Variants in NXN observed in about 807,000 individuals in gnomAD.
The protein encoded by NXN is nucleoredoxin, also known as nucleoredoxin 1.
Under a neutral mutation model 48.6 loss-of-function variants are expected in NXN, and 16 were observed. The observed-to-expected ratio is 0.33, with a 90% CI of 0.22 to 0.50. The LOEUF is 0.50. Ranked by LOEUF, NXN falls within the 20% of genes least tolerant of loss-of-function variation. The probability of loss-of-function intolerance (pLI) is 0.98; values close to 1 mark genes in which losing one functional copy is unlikely to be tolerated. For missense variants in NXN, 492 were observed against 605.5 expected (o/e 0.81, Z 1.97); for synonymous variants, 281 against 269.6 (o/e 1.04, Z -0.41).
At chr17:803,167 G>A (rs1051031621) in intron 7 of NXN, among the ~76,000 whole-genome samples, 5 of 152,302 alleles carry the variant, frequency 3.3e-5, no homozygotes, top group Admixed American at 6.5e-5. Flanking sequence ...GTCCAGCCCC[G>A]CTGGAGACCT....
chr17:847,589 C>T (rs564938011), intron 1 of NXN, among the ~76,000 whole-genome samples: 2 of 152,276 alleles, frequency 1.3e-5, no homozygotes, highest in African/African-American at 4.8e-5. Context: ...GGACCAGCCA[C>T]GTCCACAGCA....
At chr17:835,097 A>T (rs1387814384) in intron 1 of NXN, among the ~76,000 whole-genome samples, 1 of 151,326 alleles carries the variant, frequency 6.6e-6, no homozygotes, top group Non-Finnish European at 1.5e-5. Flanking sequence ...TCACAAGGTC[A>T]GGAGATCGAG....
intron 1 of NXN, 85 bp downstream of exon 1, chr17:979,234 A>AGGGCAGGGGTAACGGGCGTTGGGGGC: frequency 4.4e-6 from 2 of 457,574 alleles, no homozygotes; most frequent in Non-Finnish European, 5.2e-6. Context: ...GGGTTGGCGG[A>AGGGCAGGGGTAACGGGCGTTGGGGGC]GGGCAGGGGT....
intron 1 of NXN, among the ~76,000 whole-genome samples, chr17:940,004 G>A (rs570797773): frequency 6.6e-6 from 1 of 151,834 alleles, no homozygotes; most frequent in Non-Finnish European, 1.5e-5. Context: ...TGTGATCATG[G>A]CTCACTGTAG....
At chr17:935,066 A>G (rs1003659070) in intron 1 of NXN, among the ~76,000 whole-genome samples, 2 of 148,516 alleles carry the variant, frequency 1.3e-5, no homozygotes, top group African/African-American at 5.0e-5. Flanking sequence ...ATCTCGGCTC[A>G]CTGCAGCCTC....
At chr17:851,045 A>AACAGCTTCTCCGTCGGGAGC (rs2067918223) in intron 1 of NXN, among the ~76,000 whole-genome samples, 1 of 152,244 alleles carries the variant, frequency 6.6e-6, no homozygotes, top group Non-Finnish European at 1.5e-5. Flanking sequence ...ACCACACACA[A>AACAGCTTCTCCGTCGGGAGC]ACAGCTTCTC....
At chr17:970,844 G>A (rs1393840465) in intron 1 of NXN, among the ~76,000 whole-genome samples, 2 of 152,128 alleles carry the variant, frequency 1.3e-5, no homozygotes, top group South Asian at 2.1e-4. Context: ...GCTGGAAGAC[G>A]TAATATGTAC....
intron 5 of NXN, among the ~76,000 whole-genome samples, chr17:812,777 TGTGCATGTGTGTAGGTGTGTGTGCGTGA>T (rs1912184173): frequency 7.6e-6 from 1 of 130,744 alleles, no homozygotes; most frequent in Non-Finnish European, 1.8e-5. Context: ...AGTGTAGGTG[TGTGCATGTGTGTAGGTGTGTGTGCGTGA>T]GTGTAGGTGT....
At chr17:861,919 T>C (rs917968631) in intron 1 of NXN, among the ~76,000 whole-genome samples, 1 of 152,096 alleles carries the variant, frequency 6.6e-6, no homozygotes, top group African/African-American at 2.4e-5. Flanking sequence ...AACCTCTGTC[T>C]CCTGGGCTCA....
In NXN at chr17:849,215, G is replaced by T. The variant is rs2067897386; in HGVS notation, c.361-23137C>A. On this transcript the variant is annotated intron_variant, in intron 1 of 7. Transcript: ENST00000336868. The surrounding 1 kb of genome is among the most constrained non-coding windows in gnomAD (Gnocchi z 4.2). ...CTCTCTCCTGGAAGTTCAGAAAGTG[G>T]ATACAAAGACGGATTCACTAAGACC... Among the ~76,000 whole-genome samples, 1 of 152,062 alleles carries T rather than the reference G, an allele frequency of 6.6e-6. No individual in the cohort carries two copies. The highest frequency in any genetic ancestry group is 1.5e-5 in the Non-Finnish European group (1 of 68,028).
At chr17:895,935 C>T (rs1250676833) in intron 1 of NXN, among the ~76,000 whole-genome samples, 1 of 152,050 alleles carries the variant, frequency 6.6e-6, no homozygotes, top group South Asian at 2.1e-4. Context: ...GGGCTGGGGG[C>T]AGTGGCTCAC....
intron 1 of NXN, among the ~76,000 whole-genome samples, chr17:833,350 C>G (rs542251322): frequency 6.6e-6 from 1 of 152,140 alleles, no homozygotes; most frequent in African/African-American, 2.4e-5. Context: ...GTCACCATTC[C>G]GAAAAACACA....
At chr17:914,058 C>G (rs936120634) in intron 1 of NXN, among the ~76,000 whole-genome samples, 1 of 152,108 alleles carries the variant, frequency 6.6e-6, no homozygotes, top group Non-Finnish European at 1.5e-5. Context: ...CACCACCACA[C>G]CCAGCTAATT....
At chr17:809,502 G>A (rs1911785443) in intron 5 of NXN, among the ~76,000 whole-genome samples, 1 of 152,186 alleles carries the variant, frequency 6.6e-6, no homozygotes, top group South Asian at 2.1e-4. Flanking sequence ...CAAGGAAGCT[G>A]AAGGGGTCCA....
intron 1 of NXN, among the ~76,000 whole-genome samples, chr17:853,900 T>C (rs1238057873): frequency 1.3e-5 from 2 of 151,720 alleles, no homozygotes; most frequent in African/African-American, 2.4e-5. Context: ...TTTTGCATTT[T>C]TATTAGACAC....
chr17:944,036 G>A (rs898558055), intron 1 of NXN, among the ~76,000 whole-genome samples: 9 of 151,176 alleles, frequency 6.0e-5, no homozygotes, highest in South Asian at 2.1e-4. Context: ...TCAGGGGTTC[G>A]AGACCAGCCT....
At chr17:900,324 T>C (rs1310306288) in intron 1 of NXN, among the ~76,000 whole-genome samples, 1 of 152,110 alleles carries the variant, frequency 6.6e-6, no homozygotes, top group East Asian at 1.9e-4. Flanking sequence ...AAAAAGCTCA[T>C]GAAGAGAGAC....
In NXN at chr17:920,182, G is replaced by A. The variant is rs77948573; in HGVS notation, c.360+59137C>T. Among the ~76,000 whole-genome samples the A allele has an allele frequency of 2.4e-4, 36 of 151,980 alleles. No homozygotes were observed. The East Asian group carries it at 6.0e-3, about 25-fold the overall frequency. ...CCCAAAGTGCTGGGATGACAAGCAC[G>A]AGCCATCACGCCCAGTCTACACCCC... is the stretch of plus-strand genomic sequence containing the variant. On this transcript the variant is annotated intron_variant, in intron 1 of 7. Transcript: ENST00000336868. The surrounding 1 kb of genome is among the most constrained non-coding windows in gnomAD (Gnocchi z 4.6).
chr17:841,328 T>C (rs971869620), intron 1 of NXN, among the ~76,000 whole-genome samples: 1 of 152,062 alleles, frequency 6.6e-6, no homozygotes, highest in Non-Finnish European at 1.5e-5. Context: ...GATGAGACCA[T>C]CCTGGTGCCG....
Sources: gnomAD v4.1 joint callset for allele counts (sites outside exome capture counted in the v4.1 genomes callset) on GRCh38, gnomAD v4.1.1 for gene constraint, Gnocchi (gnomAD v3.1) non-coding constraint, MANE v1.5 for transcripts, NCBI Gene and HGNC (gene_info 2026-07-23, HGNC 2026-07-21) for gene names.